Variants in SYT3 observed in about 807,000 individuals in gnomAD.
The protein encoded by SYT3 is synaptotagmin 3, also known as synaptotagmin-3.
SYT3 carries 25 observed loss-of-function variants against 50.6 expected under a neutral mutation model. The observed-to-expected ratio is 0.49, with a 90% CI of 0.36 to 0.69. The LOEUF is 0.69. SYT3 is among the 30% of genes least tolerant of loss of function. The pLI is 0.00. For synonymous variants in SYT3, 323 were observed against 353.9 expected (o/e 0.91, Z 0.98); for missense variants, 589 against 793.6 (o/e 0.74, Z 3.10).
upstream of SYT3, among the ~76,000 whole-genome samples, chr19:50,640,463 GTATAT>G: frequency 6.6e-6 from 1 of 152,216 alleles, no homozygotes; most frequent in Non-Finnish European, 1.5e-5. Context: ...ACAGTTTCTG[GTATAT>G]TAATAGCAGT....
At chr19:50,651,301 G>A in the SYT3 span, among the ~76,000 whole-genome samples, 5 of 152,146 alleles carry the variant, frequency 3.3e-5, no homozygotes, top group Non-Finnish European at 5.9e-5. Context: ...GCCCATGCTA[G>A]GCCCTTCATG....
At chr19:50,628,399 C>T (rs912966697) in intron 6 of SYT3, among the ~76,000 whole-genome samples, 2 of 152,014 alleles carry the variant, frequency 1.3e-5, no homozygotes, top group Non-Finnish European at 2.9e-5. Context: ...CCATTGGGCC[C>T]TATAATCTGG....
chr19:50,629,274 C>G lies in SYT3; in HGVS notation c.1281+20G>C. 6.3e-7 allele frequency: 1 copy of G among 1,575,284 alleles called. No individual in the cohort carries two copies. The highest frequency in any genetic ancestry group is 8.6e-7 in the Non-Finnish European group (1 of 1,157,028). On this transcript the variant is annotated intron_variant, in intron 6 of 10. Coordinates refer to ENST00000600079, the MANE Select transcript of SYT3 (RefSeq NM_001160329.2). Reference sequence around the variant, plus strand: ...CTCAGGGCCCTGGGAAGGGGAAGGTCAGGGGAGAGGGCCACTGACCGAGCC... The same window carrying G: ...CTCAGGGCCCTGGGAAGGGGAAGGTGAGGGGAGAGGGCCACTGACCGAGCC...
chr19:50,643,488 G>A (rs544229230), upstream of SYT3, among the ~76,000 whole-genome samples: 3 of 151,988 alleles, frequency 2.0e-5, no homozygotes, highest in Non-Finnish European at 2.9e-5. Context: ...AACAAAAAAC[G>A]GAGTGGATCT....
chr19:50,656,179 A>C, the SYT3 span: 1 of 1,536,134 alleles, frequency 6.5e-7, no homozygotes, highest in Non-Finnish European at 8.7e-7. Context: ...ATGTGATGGC[A>C]GTGAACCCTG....
chr19:50,657,319 T>C, the SYT3 span, among the ~76,000 whole-genome samples: 1 of 152,136 alleles, frequency 6.6e-6, no homozygotes, highest in Non-Finnish European at 1.5e-5. Context: ...CTCTCCAGCC[T>C]CCCCTCTCAC....
chr19:50,626,249 A>G, intron 6 of SYT3: 2 of 496,220 alleles, frequency 4.0e-6, no homozygotes, highest in Non-Finnish European at 3.5e-6. Context: ...AGCATGAGTG[A>G]GGGGAGAGAG....
chr19:50,622,316 C>T lies in SYT3; in HGVS notation c.*169G>A, dbSNP rs878899591. ...CCCCACCCTGAAAGAAGGAGCTGGG[C>T]CGGCCTCCTCTCATCCTCTCGCTTC... On this transcript the variant is annotated 3_prime_UTR_variant, in exon 11 of 11. Transcript: ENST00000600079. 3 of 203,800 alleles carry T rather than the reference C, an allele frequency of 1.5e-5. No homozygotes were observed. In the South Asian group the frequency reaches 3.4e-4, roughly 23 times the overall value. 12.6% of individuals were successfully genotyped at this position (203,800 alleles called of 1,614,324 possible). A position where few individuals can be genotyped will look rare whatever the true frequency, so the allele number is the denominator to read the frequency against.
upstream of SYT3, among the ~76,000 whole-genome samples, chr19:50,643,978 G>A (rs1468360720): frequency 1.3e-5 from 2 of 152,004 alleles, no homozygotes; most frequent in African/African-American, 4.8e-5. Flanking sequence ...GGGAGGGGAG[G>A]GGAAATGCTC....
upstream of SYT3, among the ~76,000 whole-genome samples, chr19:50,644,070 G>A (rs538608441): frequency 5.9e-5 from 9 of 152,372 alleles, no homozygotes; most frequent in Non-Finnish European, 8.8e-5. Flanking sequence ...CACAAGCCCC[G>A]TAGGAGTAGC....
At position 50,625,311 on chromosome 19, in the gene SYT3, G is replaced by A; in HGVS notation, c.1575-17C>T. ...TGCCCGATGCTGGGGGTTGGGGTCA[G>A]TGAGGACCGTGGAGGGTGGTGGGAG... On this transcript the variant is annotated splice_polypyrimidine_tract_variant and intron_variant, in intron 8 of 10. Coordinates refer to ENST00000600079, the MANE Select transcript of SYT3 (RefSeq NM_001160329.2). This position sits in a 1 kb window ranked among gnomAD's most constrained non-coding sequence, Gnocchi z 7.5. 3 of 1,533,012 alleles carry A rather than the reference G, an allele frequency of 2.0e-6. No individual in the cohort carries two copies. Among genetic ancestry groups the A allele is most frequent in the Non-Finnish European group, 1.8e-6 (2 of 1,141,322 alleles). The allele number at this position is 1,533,012 out of a possible 1,614,324, so 95.0% of individuals were successfully genotyped here. A position where few individuals can be genotyped will look rare whatever the true frequency, so the allele number is the denominator to read the frequency against.
chr19:50,630,309 G>C (rs1260677581), intron 4 of SYT3, 138 bp from the exon 5 acceptor site: 1 of 853,958 alleles, frequency 1.2e-6, no homozygotes, highest in Non-Finnish European at 1.7e-6. Flanking sequence ...TTTGCTCACT[G>C]TGTGAGCTTG....
Position 50,630,080 on chromosome 19 carries a change from G to A in SYT3, c.766C>T (p.Pro256Ser), listed in dbSNP as rs1412169854. 1 of 1,613,532 alleles carries A rather than the reference G, an allele frequency of 6.2e-7. No individual in the cohort carries two copies. Among genetic ancestry groups the A allele is most frequent in the Non-Finnish European group, 8.5e-7 (1 of 1,179,720 alleles). ...GCTTTTTCCTCGCCTCCAGGCAGGG[G>A]TAAGGGCAGGGCAGGTGGCCGCTCC... Reference protein sequence around the residue: ...SEERPPALPLPLPGGEEKAKL... With the variant: ...SEERPPALPLSLPGGEEKAKL... The change falls in exon 5 of 11, where the codon CCC becomes TCC. Residue 256 changes from proline to serine, a missense_variant. By Grantham distance (74) the Pro-to-Ser change is moderately conservative. This residue lies in a region of SYT3 where 316 missense variants were observed against 354.3 expected (regional missense o/e 0.89). Coordinates refer to ENST00000600079, the MANE Select transcript of SYT3 (RefSeq NM_001160329.2).
At chr19:50,655,784 C>T in the SYT3 span, among the ~76,000 whole-genome samples, 1 of 152,216 alleles carries the variant, frequency 6.6e-6, no homozygotes, top group South Asian at 2.1e-4. Flanking sequence ...TTCCTCCTGC[C>T]TTGCAGGCTC....
chr19:50,656,497 T>C, the SYT3 span, among the ~76,000 whole-genome samples: 1 of 152,244 alleles, frequency 6.6e-6, no homozygotes, highest in Middle Eastern at 3.4e-3. Context: ...GAAAACTGAT[T>C]GTGAATTTGT....
intron 2 of SYT3, chr19:50,638,043 A>G (rs1399997236): frequency 6.6e-6 from 1 of 152,524 alleles, no homozygotes; most frequent in Non-Finnish European, 1.5e-5. Context: ...GGAGACATAG[A>G]GTAAACAAGC....
At chr19:50,656,187 C>T in the SYT3 span, 15 of 1,536,124 alleles carry the variant, frequency 9.8e-6, no homozygotes, top group Non-Finnish European at 1.3e-5. Flanking sequence ...GCAGTGAACC[C>T]TGACCTCAGA....
chr19:50,643,219 A>T (rs1205703114), upstream of SYT3, among the ~76,000 whole-genome samples: 1 of 151,852 alleles, frequency 6.6e-6, no homozygotes, highest in Non-Finnish European at 1.5e-5. Context: ...AAAAATACAA[A>T]ATTTAGCCGG....
At chr19:50,654,377 A>G in the SYT3 span, among the ~76,000 whole-genome samples, 9 of 151,772 alleles carry the variant, frequency 5.9e-5, no homozygotes, top group Non-Finnish European at 7.4e-5. Context: ...ATCTTGGCTC[A>G]CTGCAACCTC....
Sources: gnomAD v4.1 joint callset for allele counts (sites outside exome capture counted in the v4.1 genomes callset) on GRCh38, gnomAD v4.1.1 for gene constraint, gnomAD v4.1.1 regional missense constraint, Gnocchi (gnomAD v3.1) non-coding constraint, MANE v1.5 for transcripts, NCBI Gene and HGNC (gene_info 2026-07-23, HGNC 2026-07-21) for gene names.